The following L3MBTL3 variants were observed in gnomAD, a reference collection of about 807,000 sequenced individuals.
L3MBTL3 encodes the protein L3MBTL histone methyl-lysine binding protein 3.
In L3MBTL3, 27 loss-of-function variants were observed where a neutral mutation model predicts 102.3. The ratio of observed to expected loss-of-function variants is 0.26; its 90% CI spans 0.19 to 0.36. The LOEUF (loss-of-function observed/expected upper bound fraction) is 0.36. Ranked by LOEUF, L3MBTL3 falls within the 10% of genes least tolerant of loss-of-function variation. The probability of loss-of-function intolerance (pLI) is 1.00; values close to 1 mark genes in which losing one functional copy is unlikely to be tolerated. For synonymous variants in L3MBTL3, 340 were observed against 320.9 expected, an observed-to-expected ratio of 1.06 and a Z score of -0.64; for missense variants, 798 against 955.3, an observed-to-expected ratio of 0.84 and a Z score of 2.17.
At chr6:130,046,064 G>A (rs1431530890) in intron 3 of L3MBTL3, among the ~76,000 whole-genome samples, 2 of 152,134 alleles carry the variant, frequency 1.3e-5, no homozygotes, top group African/African-American at 2.4e-5. Context: ...GGACATGGTA[G>A]GGCTTCCCAT....
At chr6:130,049,044 G>T (rs754290355) in intron 3 of L3MBTL3, among the ~76,000 whole-genome samples, 1 of 151,814 alleles carries the variant, frequency 6.6e-6, no homozygotes, top group Non-Finnish European at 1.5e-5. Flanking sequence ...GGCAGAGCAG[G>T]GTCATTGGTA....
chr6:130,101,363 G>T (rs1784675139), intron 18 of L3MBTL3, among the ~76,000 whole-genome samples: 1 of 152,182 alleles, frequency 6.6e-6, no homozygotes, highest in African/African-American at 2.4e-5. Flanking sequence ...AGACATCTGA[G>T]TAGAAATGTT....
chr6:130,078,468 G>A, intron 13 of L3MBTL3, 90 bp from the exon 14 acceptor site: 1 of 851,780 alleles, frequency 1.2e-6, no homozygotes, highest in South Asian at 1.6e-5. Flanking sequence ...TCTCTGTAAA[G>A]TGCTCATGAT....
chr6:130,047,655 G>T lies in L3MBTL3; in HGVS notation c.103-1627G>T, dbSNP rs149948205. On this transcript the variant is annotated intron_variant, in intron 3 of 22. Transcript: ENST00000361794. The stretch of plus-strand genomic sequence containing the variant: ...TTACCTGAAGTGCATTGTCAAGCTT[G>T]TGCCTATTGTTTTTGAATTTTAATT... Among the ~76,000 whole-genome samples, 338 of 152,268 alleles carry T rather than the reference G, an allele frequency of 2.2e-3. 4 individuals are homozygous for T. Among genetic ancestry groups the T allele is most frequent in the African/African-American group, 7.8e-3 (325 of 41,562 alleles).
intron 2 of L3MBTL3, among the ~76,000 whole-genome samples, chr6:130,037,505 G>C (rs1584295200): frequency 6.6e-6 from 1 of 151,814 alleles, no homozygotes; most frequent in African/African-American, 2.4e-5. Flanking sequence ...TTTAGTGAGA[G>C]AGAAGTCATA....
Position 130,060,057 on chromosome 6 carries a change from A to T in L3MBTL3, c.781A>T (p.Lys261Ter). 1 of 1,612,348 alleles carries T rather than the reference A, an allele frequency of 6.2e-7. No homozygotes were observed. Among genetic ancestry groups the T allele is most frequent in the Non-Finnish European group, 8.5e-7 (1 of 1,178,460 alleles). The part of the protein sequence containing the change: ...FKEHQSFPYN[K>*]NGFKVGMKLE... ...TTAGCATCAATCCTTTCCATATAAC[A>T]AAAATGGATTCAAAGTTGGCATGAA... The change falls in exon 10 of 23, where the codon AAA becomes TAA. Residue 261 changes from lysine (K) to a stop codon, truncating the protein, a stop_gained. Coordinates refer to ENST00000361794, the MANE Select transcript of L3MBTL3 (RefSeq NM_032438.4). LOFTEE classifies it high-confidence loss of function.
At chr6:130,124,109 G>A (rs1418421027) in intron 20 of L3MBTL3, among the ~76,000 whole-genome samples, 1 of 152,196 alleles carries the variant, frequency 6.6e-6, no homozygotes, top group African/African-American at 2.4e-5. Context: ...AGTTGTGCAG[G>A]TGGCGGTTCG....
intron 2 of L3MBTL3, among the ~76,000 whole-genome samples, chr6:130,037,895 T>C (rs1456118443): frequency 6.6e-6 from 1 of 152,152 alleles, no homozygotes; most frequent in African/African-American, 2.4e-5. Context: ...GTAACTGTAG[T>C]TTTATACCAG....
At chr6:130,122,119 T>G (rs1786263356) in intron 20 of L3MBTL3, among the ~76,000 whole-genome samples, 1 of 152,252 alleles carries the variant, frequency 6.6e-6, no homozygotes, top group Admixed American at 6.5e-5. Context: ...AATAATTATT[T>G]ATTTTTTATA....
At position 130,059,368 on chromosome 6, in the gene L3MBTL3, G is replaced by C. The variant is rs555762063; in HGVS notation, c.760-668G>C. Reference sequence around the variant, plus strand: ...TTGTTTAACTTGACAGTTTGAAGATGCTTCTATCTGAGTCATGAATCTCTT... The same window carrying C: ...TTGTTTAACTTGACAGTTTGAAGATCCTTCTATCTGAGTCATGAATCTCTT... On this transcript the variant is annotated intron_variant, in intron 9 of 22. Coordinates refer to ENST00000361794, the MANE Select transcript of L3MBTL3 (RefSeq NM_032438.4). Among the ~76,000 whole-genome samples, 356 of 152,262 alleles carry C rather than the reference G, an allele frequency of 2.3e-3. 2 individuals carry two copies. Among genetic ancestry groups the C allele is most frequent in the Non-Finnish European group, 3.5e-3 (238 of 68,018 alleles).
intron 6 of L3MBTL3, among the ~76,000 whole-genome samples, chr6:130,052,379 A>G (rs1007300308): frequency 1.3e-5 from 2 of 152,218 alleles, no homozygotes; most frequent in Non-Finnish European, 2.9e-5. Flanking sequence ...TGCTGGGATT[A>G]AAGGTGTGAG....
At chr6:130,050,582 G>T (rs1781036406) in intron 5 of L3MBTL3, among the ~76,000 whole-genome samples, 1 of 152,062 alleles carries the variant, frequency 6.6e-6, no homozygotes, top group South Asian at 2.1e-4. Context: ...CTCTAGTATT[G>T]CATGTATCAC....
At chr6:130,107,437 G>A (rs1785058963) in intron 19 of L3MBTL3, among the ~76,000 whole-genome samples, 1 of 152,158 alleles carries the variant, frequency 6.6e-6, no homozygotes, top group African/African-American at 2.4e-5. Flanking sequence ...AGGATCCTGA[G>A]CTTTCTGTTT....
At chr6:130,086,446 T>C (rs943849965) in intron 16 of L3MBTL3, among the ~76,000 whole-genome samples, 196 bp downstream of exon 16, 1 of 152,226 alleles carries the variant, frequency 6.6e-6, no homozygotes, top group Admixed American at 6.5e-5. Flanking sequence ...AATTTATCTT[T>C]AGTTATGAAT....
chr6:130,050,704 A>G (rs1055665308), intron 5 of L3MBTL3, among the ~76,000 whole-genome samples: 10 of 152,204 alleles, frequency 6.6e-5, no homozygotes, highest in African/African-American at 2.4e-4. Context: ...GGTGCCTAAT[A>G]ACTGCTGGCT....
chr6:130,091,264 A>G (rs1784028460), intron 16 of L3MBTL3, among the ~76,000 whole-genome samples: 1 of 152,078 alleles, frequency 6.6e-6, no homozygotes, highest in African/African-American at 2.4e-5. Flanking sequence ...TTAGTGTTTG[A>G]CTTTTTTATC....
At chr6:130,048,185 CTA>C (rs1179181954) in intron 3 of L3MBTL3, among the ~76,000 whole-genome samples, 10 of 152,150 alleles carry the variant, frequency 6.6e-5, no homozygotes, top group Non-Finnish European at 1.3e-4. Flanking sequence ...GGCGTGTTGA[CTA>C]AATCGATTTT....
intron 16 of L3MBTL3, among the ~76,000 whole-genome samples, chr6:130,086,514 A>G (rs1026574347): frequency 3.9e-5 from 6 of 152,234 alleles, no homozygotes; most frequent in African/African-American, 1.4e-4. Flanking sequence ...ACATTAAAGT[A>G]GTATTATATT....
intron 9 of L3MBTL3, among the ~76,000 whole-genome samples, chr6:130,059,196 C>CCTG (rs566085867): frequency 4.9e-4 from 74 of 152,310 alleles, no homozygotes; most frequent in African/African-American, 1.8e-3. Context: ...CCCCCAGGCA[C>CCTG]CAGATTTGCC....
Sources: gnomAD v4.1 joint callset for allele counts (sites outside exome capture counted in the v4.1 genomes callset) on GRCh38, gnomAD v4.1.1 for gene constraint, MANE v1.5 for transcripts, NCBI Gene and HGNC (gene_info 2026-07-23, HGNC 2026-07-21) for gene names.